PRPSAP1: variants seen among roughly 807,000 people sequenced by gnomAD.
The protein encoded by PRPSAP1 is phosphoribosyl pyrophosphate synthase-associated protein 1.
Under a neutral mutation model 39.4 loss-of-function variants are expected in PRPSAP1, and 31 were observed. The ratio of observed to expected loss-of-function variants is 0.79; its 90% CI spans 0.59 to 1.06. The LOEUF (loss-of-function observed/expected upper bound fraction) is 1.06. Ranked by LOEUF, PRPSAP1 falls within the 50% of genes least tolerant of loss-of-function variation. The pLI, the probability that PRPSAP1 is intolerant of heterozygous loss-of-function variation, is 0.00. For synonymous variants in PRPSAP1, 212 were observed against 192.6 expected (o/e 1.10, Z -0.83); for missense variants, 430 against 511.6 (o/e 0.84, Z 1.54).
At chr17:76,339,207 C>G (rs891547204) in intron 3 of PRPSAP1, among the ~76,000 whole-genome samples, 1 of 151,630 alleles carries the variant, frequency 6.6e-6, no homozygotes, top group Non-Finnish European at 1.5e-5. Flanking sequence ...GAGTTTGAGA[C>G]CATTCTGGTC....
intron 7 of PRPSAP1, among the ~76,000 whole-genome samples, chr17:76,321,751 A>G (rs1195028953): frequency 6.6e-6 from 1 of 152,176 alleles, no homozygotes; most frequent in Non-Finnish European, 1.5e-5. Context: ...TTAGTGTGTC[A>G]AAAGCCAAAA....
At chr17:76,328,366 C>T (rs1256074768) in intron 7 of PRPSAP1, among the ~76,000 whole-genome samples, 1 of 152,120 alleles carries the variant, frequency 6.6e-6, no homozygotes, top group Non-Finnish European at 1.5e-5. Flanking sequence ...CTGAGGCGAG[C>T]AGATCACCAG....
At chr17:76,313,321 A>G in intron 8 of PRPSAP1, 1 of 282,124 alleles carries the variant, frequency 3.5e-6, no homozygotes, top group Non-Finnish European at 6.6e-6. Context: ...CCAGCGTTCC[A>G]TTTATTTTTT....
At chr17:76,320,289 A>G (rs1252617898) in intron 7 of PRPSAP1, among the ~76,000 whole-genome samples, 1 of 59,678 alleles carries the variant, frequency 1.7e-5, no homozygotes, top group East Asian at 4.5e-4. Context: ...AAGAAAAGAA[A>G]GAAAGAAAGA....
At chr17:76,316,525 C>T (rs888253209) in intron 7 of PRPSAP1, among the ~76,000 whole-genome samples, 3 of 152,088 alleles carry the variant, frequency 2.0e-5, no homozygotes, top group Admixed American at 6.6e-5. Context: ...TGACTAGTAC[C>T]TCACAGGCCA....
chr17:76,341,722 G>C (rs113096120), intron 3 of PRPSAP1, among the ~76,000 whole-genome samples: 1 of 152,112 alleles, frequency 6.6e-6, no homozygotes, highest in Non-Finnish European at 1.5e-5. Context: ...GGCGGATCAC[G>C]AGGTTAGGAG....
At position 76,310,471 on chromosome 17, in the gene PRPSAP1, G is replaced by GTT. The variant is rs35037723; in HGVS notation, c.*1069_*1070dup. ...AGGCATAAGACACGATCCCTGGCCT[G>GTT]TTTTTTTTTTTTGAGACAGGGTGTT... On this transcript the variant is annotated 3_prime_UTR_variant, in exon 10 of 10. Transcript: ENST00000446526. 40 of 145,844 alleles carry GTT rather than the reference G, an allele frequency of 2.7e-4. No individual in the cohort carries two copies. The highest frequency in any genetic ancestry group is 3.5e-3 in the Middle Eastern group (1 of 286). The allele number at this position is 145,844 out of a possible 1,614,324, so 9.0% of individuals were successfully genotyped here. A position where few individuals can be genotyped will look rare whatever the true frequency, so the allele number is the denominator to read the frequency against.
chr17:76,317,233 T>C (rs7212074), intron 7 of PRPSAP1, among the ~76,000 whole-genome samples: 19,248 of 151,968 alleles, frequency 0.13, 2,849 homozygotes, highest in African/African-American at 0.36. Context: ...GCCTGTAATC[T>C]CAGCTACTTG....
At position 76,312,987 on chromosome 17, in the gene PRPSAP1, A is replaced by G. The variant is rs1248205273; in HGVS notation, c.882T>C (p.Phe294=). ...VDDIIDDVES[F]VAAAEILKER... ...CTTTCAGGATCTCCGCGGCAGCAAC[A>G]AAACTCTCCACATCGTCAATAATGT... Residue 294 remains phenylalanine (F), a synonymous_variant, in exon 9 of 10, where the codon TTT becomes TTC. Transcript: ENST00000446526. 3 of 1,613,926 alleles carry G rather than the reference A, an allele frequency of 1.9e-6. 1 individual carries two copies. The highest frequency in any genetic ancestry group is 3.3e-4 in the Middle Eastern group (2 of 6,058).
chr17:76,351,493 C>T (rs1344966816), intron 1 of PRPSAP1, among the ~76,000 whole-genome samples: 1 of 151,246 alleles, frequency 6.6e-6, no homozygotes, highest in Non-Finnish European at 1.5e-5. Context: ...CCAGCCTGGG[C>T]GACAGCGAGA....
At chr17:76,315,700 C>CTTTTTTTTTTTTTT (rs71161279) in intron 7 of PRPSAP1, among the ~76,000 whole-genome samples, 7 of 72,674 alleles carry the variant, frequency 9.6e-5, no homozygotes, top group African/African-American at 3.9e-4. Context: ...GACCTATCCG[C>CTTTTTTTTTTTTTT]TTTTTTTTTT....
At chr17:76,348,760 C>T (rs1454207124) in intron 1 of PRPSAP1, among the ~76,000 whole-genome samples, 179 bp from the exon 2 acceptor site, 3 of 152,174 alleles carry the variant, frequency 2.0e-5, no homozygotes, top group African/African-American at 7.2e-5. Context: ...ATAAGCAGCT[C>T]ACCACGTTGT....
chr17:76,332,892 AT>A (rs1386737477), intron 3 of PRPSAP1, among the ~76,000 whole-genome samples: 3,066 of 139,146 alleles, frequency 0.022, 74 homozygotes, highest in African/African-American at 0.063. Context: ...TTGGAATATA[AT>A]TTTTTTTTTT....
chr17:76,313,602 T>C (rs748051193), intron 8 of PRPSAP1: 9 of 504,902 alleles, frequency 1.8e-5, no homozygotes, highest in Admixed American at 1.0e-4. Flanking sequence ...CTGAATTTTC[T>C]CACGGGAGTA....
At chr17:76,311,737 G>C (rs774907363) in intron 9 of PRPSAP1, 37 bp from the exon 10 acceptor site, 2 of 1,594,534 alleles carry the variant, frequency 1.3e-6, no homozygotes, top group Admixed American at 3.5e-5. Flanking sequence ...CGCTGTTACT[G>C]AAGTCTGTTC....
At chr17:76,313,461 A>G (rs187387575) in intron 8 of PRPSAP1, 2 of 284,098 alleles carry the variant, frequency 7.0e-6, no homozygotes, top group East Asian at 1.4e-4. Context: ...ACGAGTCTGC[A>G]CGGGGACACC....
In PRPSAP1 at chr17:76,317,413, A is replaced by C. The variant is rs533552892; in HGVS notation, c.782-3522T>G. On this transcript the variant is annotated intron_variant, in intron 7 of 9. Coordinates refer to ENST00000446526, the MANE Select transcript of PRPSAP1 (RefSeq NM_002766.3). ...GTGGCTCATGCCCATAATCCCAGCT[A>C]CTTGGGAGGCTGAGGCAGGAGAATT... 2.0e-5 allele frequency among the ~76,000 whole-genome samples: 3 copies of C among 152,116 alleles called. No individual in the cohort carries two copies. The East Asian group carries it at 5.8e-4, about 29-fold the overall frequency.
chr17:76,328,021 C>T (rs1380461456), intron 7 of PRPSAP1, among the ~76,000 whole-genome samples: 1 of 150,130 alleles, frequency 6.7e-6, no homozygotes, highest in Non-Finnish European at 1.5e-5. Context: ...CGTCTCCATA[C>T]AAAAAGAAAA....
At chr17:76,322,451 A>G (rs984104349) in intron 7 of PRPSAP1, among the ~76,000 whole-genome samples, 1 of 152,174 alleles carries the variant, frequency 6.6e-6, no homozygotes, top group African/African-American at 2.4e-5. Context: ...GAGATACACA[A>G]GGAGATTAGT....
Sources: gnomAD v4.1 joint callset for allele counts (sites outside exome capture counted in the v4.1 genomes callset) on GRCh38, gnomAD v4.1.1 for gene constraint, MANE v1.5 for transcripts, NCBI Gene and HGNC (gene_info 2026-07-23, HGNC 2026-07-21) for gene names.